SNTG1: variants seen among roughly 807,000 people sequenced by gnomAD.
SNTG1 encodes syntrophin gamma 1, also known as gamma-1-syntrophin.
In SNTG1, 39 loss-of-function variants were observed where a neutral mutation model predicts 74.7. The ratio of observed to expected loss-of-function variants is 0.52; its 90% CI spans 0.40 to 0.68. SNTG1 has a LOEUF of 0.68. Ranked by LOEUF, SNTG1 falls within the 30% of genes least tolerant of loss-of-function variation. The probability of loss-of-function intolerance (pLI) is 0.00; values close to 1 mark genes in which losing one functional copy is unlikely to be tolerated. For synonymous variants in SNTG1, 254 were observed against 217.1 expected (o/e 1.17, Z -1.49); for missense variants, 685 against 609.5 (o/e 1.12, Z -1.30).
chr8:50,086,275 T>G (rs1822876734), intron 1 of SNTG1, among the ~76,000 whole-genome samples: 1 of 152,176 alleles, frequency 6.6e-6, no homozygotes, highest in Non-Finnish European at 1.5e-5. Flanking sequence ...GTGTTGTTTT[T>G]TCTCTCTGAT....
intron 13 of SNTG1, among the ~76,000 whole-genome samples, chr8:50,634,444 T>C (rs1224913034): frequency 6.6e-6 from 1 of 152,226 alleles, no homozygotes; most frequent in African/African-American, 2.4e-5. Context: ...AACGTGATTT[T>C]TCAACCACCT....
intron 4 of SNTG1, among the ~76,000 whole-genome samples, chr8:50,406,731 A>G (rs1266669845): frequency 6.6e-6 from 1 of 152,132 alleles, no homozygotes; most frequent in Non-Finnish European, 1.5e-5. Flanking sequence ...GTATTGAGGC[A>G]GTTTTGAATG....
intron 18 of SNTG1, among the ~76,000 whole-genome samples, chr8:50,761,065 A>C (rs2095597226): frequency 6.6e-6 from 1 of 151,966 alleles, no homozygotes; most frequent in African/African-American, 2.4e-5. Flanking sequence ...GCAGAAACAC[A>C]ACAAAAAAGA....
chr8:50,657,121 T>C, intron 14 of SNTG1, 96 bp downstream of exon 14: 3 of 556,926 alleles, frequency 5.4e-6, no homozygotes, highest in Non-Finnish European at 9.0e-6. Context: ...TCAATATTTT[T>C]AAAAAATAAT....
chr8:50,345,392 G>T (rs2130962165), intron 2 of SNTG1, among the ~76,000 whole-genome samples: 1 of 152,174 alleles, frequency 6.6e-6, no homozygotes, highest in South Asian at 2.1e-4. Flanking sequence ...TCCTGGCTCT[G>T]CCCTCTAGGA....
intron 1 of SNTG1, among the ~76,000 whole-genome samples, chr8:50,030,511 G>T (rs892234451): frequency 6.6e-6 from 1 of 151,940 alleles, no homozygotes. Flanking sequence ...ATTTTGAGTG[G>T]TTTTTTAATA....
chr8:49,989,827 G>A (rs1322571821), intron 1 of SNTG1, among the ~76,000 whole-genome samples: 1 of 151,898 alleles, frequency 6.6e-6, no homozygotes, highest in Non-Finnish European at 1.5e-5. Flanking sequence ...TATTGATACA[G>A]TAATAAAGAA....
intron 1 of SNTG1, among the ~76,000 whole-genome samples, chr8:49,996,975 G>T (rs1029828770): frequency 5.3e-5 from 8 of 152,088 alleles, no homozygotes; most frequent in Non-Finnish European, 1.2e-4. Flanking sequence ...CTATTTAATA[G>T]ACTTATTTTA....
At chr8:50,104,125 C>T (rs1179131950) in intron 1 of SNTG1, among the ~76,000 whole-genome samples, 1 of 152,116 alleles carries the variant, frequency 6.6e-6, no homozygotes, top group African/African-American at 2.4e-5. Context: ...GGAATAGTTT[C>T]AGAAGGAATG....
chr8:50,524,031 T>C (rs2094200889), intron 9 of SNTG1, among the ~76,000 whole-genome samples: 1 of 152,192 alleles, frequency 6.6e-6, no homozygotes, highest in Non-Finnish European at 1.5e-5. Context: ...GTATGTCTTA[T>C]AGTTACAGTG....
chr8:49,936,610 G>A (rs1052174222), intron 1 of SNTG1, among the ~76,000 whole-genome samples: 1 of 152,070 alleles, frequency 6.6e-6, no homozygotes, highest in Non-Finnish European at 1.5e-5. Context: ...TCTGCAATTT[G>A]AAAAATGTGT....
At chr8:50,233,169 TAC>T (rs1203110761) in intron 2 of SNTG1, among the ~76,000 whole-genome samples, 1 of 151,638 alleles carries the variant, frequency 6.6e-6, no homozygotes, top group African/African-American at 2.4e-5. Context: ...AAGATAACAG[TAC>T]ACAGTTATCA....
intron 1 of SNTG1, among the ~76,000 whole-genome samples, chr8:49,938,603 T>TTCTTTTTCTTTTCTTTCTTTCTTTCTTTC (rs1808348144): frequency 1.3e-5 from 1 of 74,754 alleles, no homozygotes; most frequent in Non-Finnish European, 2.7e-5. Context: ...TTTTCTTTTC[T>TTCTTTTTCTTTTCTTTCTTTCTTTCTTTC]TTTCTTTCTT....
At chr8:50,745,957 T>A (rs1314600202) in intron 17 of SNTG1, among the ~76,000 whole-genome samples, 1 of 151,920 alleles carries the variant, frequency 6.6e-6, no homozygotes, top group Non-Finnish European at 1.5e-5. Context: ...GTGGTAATGA[T>A]TACACAACAT....
At chr8:50,472,526 T>G (rs954533722) in intron 8 of SNTG1, among the ~76,000 whole-genome samples, 5 of 152,058 alleles carry the variant, frequency 3.3e-5, no homozygotes, top group African/African-American at 1.2e-4. Flanking sequence ...TAACTCAAAA[T>G]GGATGATTAA....
intron 1 of SNTG1, among the ~76,000 whole-genome samples, chr8:50,171,438 T>C (rs2082804287): frequency 6.6e-6 from 1 of 152,118 alleles, no homozygotes; most frequent in African/African-American, 2.4e-5. Flanking sequence ...CAGTCTAGTC[T>C]TTTCATGGTT....
intron 2 of SNTG1, among the ~76,000 whole-genome samples, chr8:50,321,021 G>A (rs1009842449): frequency 2.0e-5 from 3 of 151,978 alleles, no homozygotes; most frequent in East Asian, 1.9e-4. Flanking sequence ...AACATTACAC[G>A]AAATATACCT....
At chr8:50,723,000 T>C (rs2095491447) in intron 17 of SNTG1, among the ~76,000 whole-genome samples, 1 of 152,192 alleles carries the variant, frequency 6.6e-6, no homozygotes, top group Admixed American at 6.5e-5. Flanking sequence ...TTATCACTTC[T>C]CAACTTGCAT....
intron 1 of SNTG1, among the ~76,000 whole-genome samples, chr8:49,975,509 T>C (rs912186819): frequency 6.6e-5 from 10 of 152,164 alleles, no homozygotes; most frequent in African/African-American, 2.4e-4. Flanking sequence ...CAAATTGACA[T>C]GCAGTCTCCA....
Sources: allele counts gnomAD v4.1 joint callset (sites outside exome capture counted in the v4.1 genomes callset), GRCh38; gene constraint gnomAD v4.1.1; transcripts MANE v1.5; gene names NCBI Gene and HGNC (gene_info 2026-07-23, HGNC 2026-07-21).